Variants in CTDP1 observed in about 807,000 individuals in gnomAD.
CTDP1 encodes RNA polymerase II subunit A C-terminal domain phosphatase.
In CTDP1, 47 loss-of-function variants were observed where a neutral mutation model predicts 91.8. The ratio of observed to expected loss-of-function variants is 0.51; its 90% confidence interval spans 0.41 to 0.65. The LOEUF (loss-of-function observed/expected upper bound fraction) is 0.65. CTDP1 is among the 30% of genes least tolerant of loss of function. The pLI, the probability that CTDP1 is intolerant of heterozygous loss-of-function variation, is 0.00. For synonymous variants in CTDP1, 656 were observed against 598.5 expected (o/e 1.10, Z -1.40); for missense variants, 1,272 against 1,373.7 (o/e 0.93, Z 1.17).
chr18:79,708,028 T>C (rs1218630730), intron 5 of CTDP1, among the ~76,000 whole-genome samples: 4 of 152,242 alleles, frequency 2.6e-5, no homozygotes, highest in Non-Finnish European at 5.9e-5. Context: ...AATTTACGCA[T>C]AGTGAGAAAC....
chr18:79,731,461 G>A (rs1018150469), intron 11 of CTDP1, among the ~76,000 whole-genome samples: 14 of 152,138 alleles, frequency 9.2e-5, no homozygotes, highest in African/African-American at 2.9e-4. Flanking sequence ...TTGGGAACTC[G>A]CGCCTGGTCA....
chr18:79,679,676 T>C, upstream of CTDP1: 1 of 525,122 alleles, frequency 1.9e-6, no homozygotes. Flanking sequence ...GGAACGCAGT[T>C]CTTCACGGCC....
intron 4 of CTDP1, 60 bp from the exon 5 acceptor site, chr18:79,704,707 G>A: frequency 6.2e-7 from 1 of 1,604,994 alleles, no homozygotes; most frequent in South Asian, 1.1e-5. Flanking sequence ...CACACAGGTT[G>A]CGGGGGCGGC....
At chr18:79,695,833 C>T (rs1451266270) in intron 2 of CTDP1, 144 bp from the exon 3 acceptor site, 18 of 734,410 alleles carry the variant, frequency 2.5e-5, no homozygotes, top group Non-Finnish European at 3.6e-5. Context: ...AATGTTTCCA[C>T]GTTTGCCGAC....
chr18:79,698,979 G>T (rs983425684), intron 4 of CTDP1, among the ~76,000 whole-genome samples: 1 of 152,212 alleles, frequency 6.6e-6, no homozygotes, highest in African/African-American at 2.4e-5. Flanking sequence ...AGTCAGTCAG[G>T]TGGTCAGGGT....
At chr18:79,708,782 C>T (rs752517067) in intron 5 of CTDP1, among the ~76,000 whole-genome samples, 8 of 152,256 alleles carry the variant, frequency 5.3e-5, no homozygotes, top group African/African-American at 7.2e-5. Context: ...TTTTGTTCCA[C>T]GGCACCTGCA....
At chr18:79,710,309 T>C in intron 5 of CTDP1, 37 bp from the exon 6 acceptor site, 3 of 1,535,036 alleles carry the variant, frequency 2.0e-6, no homozygotes, top group Non-Finnish European at 2.7e-6. Flanking sequence ...GAAACGTGTC[T>C]CAGGTATGTA....
At chr18:79,714,461 G>T (rs772709617) in intron 7 of CTDP1, 30 bp from the exon 8 acceptor site, 3 of 1,608,592 alleles carry the variant, frequency 1.9e-6, no homozygotes, top group South Asian at 2.2e-5. Flanking sequence ...GCTAAATTGC[G>T]GTAACTTTTC....
In CTDP1 at chr18:79,707,907, C is replaced by T. The variant is rs1310292269; in HGVS notation, c.773-2439C>T. 2.0e-5 allele frequency among the ~76,000 whole-genome samples: 3 copies of T among 152,130 alleles called. No individual in the cohort carries two copies. In the East Asian group the frequency reaches 5.8e-4, roughly 29 times the overall value. ...ATGCGTGCTTTCAGTATGACTAGGA[C>T]AGAGATGTTAAGAGTTTGCGATGCG... On this transcript the variant is annotated intron_variant, in intron 5 of 12. Coordinates refer to ENST00000613122, the MANE Select transcript of CTDP1 (RefSeq NM_004715.5).
intron 12 of CTDP1, among the ~76,000 whole-genome samples, chr18:79,748,177 A>G (rs1244104461): frequency 2.0e-5 from 3 of 152,232 alleles, no homozygotes; most frequent in Non-Finnish European, 4.4e-5. Context: ...TTTACTAACC[A>G]TAGTCTGCAG....
intron 5 of CTDP1, among the ~76,000 whole-genome samples, chr18:79,706,077 T>G (rs2085961379): frequency 6.6e-6 from 1 of 152,118 alleles, no homozygotes; most frequent in African/African-American, 2.4e-5. Context: ...AGGAGGGGCG[T>G]GGGAGGTGGT....
chr18:79,704,732 C>G, intron 4 of CTDP1, 35 bp from the exon 5 acceptor site: 1 of 1,611,872 alleles, frequency 6.2e-7, no homozygotes, highest in Admixed American at 1.7e-5. Flanking sequence ...GCTCCTCAGG[C>G]CTTTTCTCCC....
intron 12 of CTDP1, among the ~76,000 whole-genome samples, chr18:79,749,555 C>G (rs557366119): frequency 1.3e-5 from 2 of 151,372 alleles, no homozygotes; most frequent in Non-Finnish European, 2.9e-5. Flanking sequence ...GTGACCGTCC[C>G]GAGCTCGACC....
intron 12 of CTDP1, among the ~76,000 whole-genome samples, chr18:79,749,624 C>T (rs1036753518): frequency 2.6e-5 from 4 of 152,084 alleles, no homozygotes; most frequent in African/African-American, 9.7e-5. Flanking sequence ...CCGAGGTCAG[C>T]GCCATGCACT....
In CTDP1 at chr18:79,717,705, G is replaced by A. The variant is rs116621665; in HGVS notation, c.2210+29G>A. ...GGTCCTCGCTGCACCCAGCAGGTCCGTGCCAGGCGTTCCCTTGCTGGACAG... is the reference window on the plus strand; with the variant it reads ...GGTCCTCGCTGCACCCAGCAGGTCCATGCCAGGCGTTCCCTTGCTGGACAG... On this transcript the variant is annotated intron_variant, in intron 9 of 12. Transcript: ENST00000613122. The A allele has an allele frequency of 2.2e-3, 3,618 of 1,613,928 alleles. 25 individuals carry two copies. In the African/African-American group the frequency reaches 0.023, roughly 10 times the overall value.
chr18:79,751,788 G>T (rs879483051), intron 12 of CTDP1, among the ~76,000 whole-genome samples: 1 of 152,144 alleles, frequency 6.6e-6, no homozygotes, highest in Non-Finnish European at 1.5e-5. Flanking sequence ...TGTGTGTGTG[G>T]CTGTATCACA....
intron 1 of CTDP1, among the ~76,000 whole-genome samples, chr18:79,683,332 C>T (rs949834825): frequency 6.6e-6 from 1 of 152,172 alleles, no homozygotes; most frequent in African/African-American, 2.4e-5. Context: ...TGTATTGATC[C>T]TTAGAGTACC....
chr18:79,708,239 G>A (rs2086008130), intron 5 of CTDP1, among the ~76,000 whole-genome samples: 1 of 152,188 alleles, frequency 6.6e-6, no homozygotes, highest in African/African-American at 2.4e-5. Flanking sequence ...GTGCCGTGGG[G>A]CTGCAGGGTA....
chr18:79,699,586 T>C (rs1049234332), intron 4 of CTDP1, among the ~76,000 whole-genome samples: 1 of 152,102 alleles, frequency 6.6e-6, no homozygotes, highest in African/African-American at 2.4e-5. Context: ...TAATGCCTAT[T>C]TTCTGACAAA....
Sources: gnomAD v4.1 joint callset for allele counts (sites outside exome capture counted in the v4.1 genomes callset) on GRCh38, gnomAD v4.1.1 for gene constraint, MANE v1.5 for transcripts, NCBI Gene and HGNC (gene_info 2026-07-23, HGNC 2026-07-21) for gene names.